The following CSMD1 variants were observed in gnomAD, a reference collection of about 807,000 sequenced individuals.
CSMD1 encodes CUB and Sushi multiple domains 1.
A neutral mutation model predicts 417.5 loss-of-function variants in CSMD1; 213 were observed. The observed-to-expected ratio is 0.51, with a 90% confidence interval of 0.46 to 0.57. The LOEUF is 0.57. Among genes scored for constraint, CSMD1 ranks in the 20% least tolerant of loss-of-function variants. CSMD1 has a pLI of 0.00. For synonymous variants in CSMD1, 2,862 were observed against 1,736.8 expected (o/e 1.65, Z -16.11); for missense variants, 6,923 against 4,529.7 (o/e 1.53, Z -15.17).
chr8:4,364,413 G>C (rs1801951087), intron 3 of CSMD1, among the ~76,000 whole-genome samples: 2 of 151,926 alleles, frequency 1.3e-5, no homozygotes, highest in African/African-American at 4.8e-5. Flanking sequence ...TATTGCCCTA[G>C]TCCATACAAG....
At chr8:4,991,693 CG>C (rs1227460033) in intron 1 of CSMD1, among the ~76,000 whole-genome samples, 1 of 152,046 alleles carries the variant, frequency 6.6e-6, no homozygotes, top group Non-Finnish European at 1.5e-5. Context: ...CCGACGCCCC[CG>C]GGGGGAGGCC....
At chr8:3,445,674 T>C (rs927694253) in intron 12 of CSMD1, among the ~76,000 whole-genome samples, 8 of 152,058 alleles carry the variant, frequency 5.3e-5, no homozygotes, top group African/African-American at 1.7e-4. Context: ...ACGTCGGAAC[T>C]AGAGGGGACG....
At chr8:4,819,085 G>C (rs1293129963) in intron 1 of CSMD1, among the ~76,000 whole-genome samples, 1 of 152,216 alleles carries the variant, frequency 6.6e-6, no homozygotes, top group Non-Finnish European at 1.5e-5. Context: ...AACAGCACTT[G>C]CATGTCACTT....
intron 8 of CSMD1, among the ~76,000 whole-genome samples, chr8:3,615,606 C>T (rs1465736703): frequency 1.3e-5 from 2 of 152,182 alleles, no homozygotes; most frequent in African/African-American, 2.4e-5. Context: ...AATATAGACA[C>T]ACTACAGTTT....
At chr8:3,213,172 G>A (rs1056535767) in intron 30 of CSMD1, among the ~76,000 whole-genome samples, 1 of 152,152 alleles carries the variant, frequency 6.6e-6, no homozygotes, top group Non-Finnish European at 1.5e-5. Context: ...GAAGCTGCCA[G>A]TAGCATTGTT....
At chr8:3,291,069 T>G (rs1311062491) in intron 25 of CSMD1, among the ~76,000 whole-genome samples, 1 of 152,212 alleles carries the variant, frequency 6.6e-6, no homozygotes, top group African/African-American at 2.4e-5. Context: ...CTTTTCTGCA[T>G]CTTTTGAGAT....
At chr8:3,404,474 C>G (rs754197007) in intron 15 of CSMD1, among the ~76,000 whole-genome samples, 1 of 152,076 alleles carries the variant, frequency 6.6e-6, no homozygotes, top group East Asian at 1.9e-4. Flanking sequence ...GAGTTTAATG[C>G]TCCACACCTA....
intron 3 of CSMD1, among the ~76,000 whole-genome samples, chr8:4,285,398 A>C (rs1284428833): frequency 1.3e-5 from 2 of 152,224 alleles, no homozygotes; most frequent in African/African-American, 4.8e-5. Flanking sequence ...ATTTGTGGCC[A>C]TGAATCTTGA....
At chr8:4,236,039 G>GTTTTTTTT (rs869245155) in intron 3 of CSMD1, among the ~76,000 whole-genome samples, 2 of 31,710 alleles carry the variant, frequency 6.3e-5, no homozygotes, top group African/African-American at 1.4e-4. Context: ...TTTTTTGTTT[G>GTTTTTTTT]TTTTTTTTTT....
intron 4 of CSMD1, among the ~76,000 whole-genome samples, chr8:4,012,777 C>G (rs569860463): frequency 6.6e-5 from 10 of 152,276 alleles, no homozygotes; most frequent in South Asian, 4.1e-4. Context: ...TTCAAATCTG[C>G]AATCTCACAG....
At chr8:3,545,212 G>C (rs11994159) in intron 10 of CSMD1, among the ~76,000 whole-genome samples, 7,159 of 152,154 alleles carry the variant, frequency 0.047, 482 homozygotes, top group African/African-American at 0.15. Flanking sequence ...TTGTTTCCAT[G>C]TGTCTGTCTA....
intron 6 of CSMD1, among the ~76,000 whole-genome samples, chr8:3,719,160 G>A (rs1356808360): frequency 3.3e-5 from 5 of 152,010 alleles, no homozygotes; most frequent in East Asian, 3.9e-4. Context: ...TCTATACTTC[G>A]TTGCATTAAA....
chr8:3,502,927 C>G (rs1796667866), intron 10 of CSMD1, among the ~76,000 whole-genome samples: 1 of 152,098 alleles, frequency 6.6e-6, no homozygotes, highest in Non-Finnish European at 1.5e-5. Flanking sequence ...TCAAATGTAA[C>G]AAACACACCA....
chr8:4,152,376 G>T (rs917326173), intron 3 of CSMD1, among the ~76,000 whole-genome samples: 9 of 152,088 alleles, frequency 5.9e-5, no homozygotes, highest in Non-Finnish European at 1.5e-5. Context: ...ATGTACTAAT[G>T]TTTTTAAAAT....
rs374953368 is a variant in CSMD1, at chr8:3,529,544, T to C, written c.1345-35818A>G. 6.6e-5 allele frequency among the ~76,000 whole-genome samples: 10 copies of C among 152,330 alleles called. No homozygotes were observed. The East Asian group carries it at 1.9e-3, about 29-fold the overall frequency. On this transcript the variant is annotated intron_variant, in intron 10 of 69. Transcript: ENST00000635120. ...AAATTTTAATGCCAGATTATTTAAC[T>C]ACCTTTTCCAAGACCACACAATGGA...
At chr8:4,750,381 G>C (rs753314371) in intron 1 of CSMD1, among the ~76,000 whole-genome samples, 1 of 152,100 alleles carries the variant, frequency 6.6e-6, no homozygotes, top group Admixed American at 6.5e-5. Context: ...AAGTAGTTTA[G>C]GGTTATCAAG....
At chr8:4,863,635 C>T (rs1331204645) in intron 1 of CSMD1, among the ~76,000 whole-genome samples, 2 of 152,032 alleles carry the variant, frequency 1.3e-5, no homozygotes, top group Admixed American at 1.3e-4. Context: ...TCCATATCCA[C>T]CCAGGGGACA....
intron 10 of CSMD1, among the ~76,000 whole-genome samples, chr8:3,557,187 T>C (rs778159318): frequency 3.9e-5 from 6 of 152,194 alleles, no homozygotes; most frequent in Admixed American, 3.9e-4. Context: ...ATGAAAATAA[T>C]GTTTTGTTTC....
chr8:3,047,421 G>T (rs2128986858), intron 50 of CSMD1, among the ~76,000 whole-genome samples: 1 of 152,192 alleles, frequency 6.6e-6, no homozygotes, highest in African/African-American at 2.4e-5. Flanking sequence ...TCTAAGGGCA[G>T]GAGATATCAC....
Sources: gnomAD v4.1 joint callset for allele counts (sites outside exome capture counted in the v4.1 genomes callset) on GRCh38, gnomAD v4.1.1 for gene constraint, MANE v1.5 for transcripts, NCBI Gene and HGNC (gene_info 2026-07-23, HGNC 2026-07-21) for gene names.